Variants in KCNMA1 observed in about 807,000 individuals in gnomAD.
The protein encoded by KCNMA1 is potassium calcium-activated channel subfamily M alpha 1.
KCNMA1 carries 29 observed loss-of-function variants against 140.0 expected under a neutral mutation model. That is an observed-to-expected ratio of 0.21 (90% CI 0.15 to 0.28). KCNMA1 has a LOEUF of 0.28. Ranked by LOEUF, KCNMA1 falls within the 10% of genes least tolerant of loss-of-function variation. The probability of loss-of-function intolerance (pLI) is 1.00; values close to 1 mark genes in which losing one functional copy is unlikely to be tolerated. For missense variants in KCNMA1, 880 were observed against 1,602.2 expected, an observed-to-expected ratio of 0.55 and a Z score of 7.70; for synonymous variants, 612 against 611.9, an observed-to-expected ratio of 1.00 and a Z score of 0.00.
At chr10:77,018,249 CAATT>C (rs2092412145) in intron 17 of KCNMA1, among the ~76,000 whole-genome samples, 1 of 152,148 alleles carries the variant, frequency 6.6e-6, no homozygotes, top group South Asian at 2.1e-4. Context: ...TAGACCTTCA[CAATT>C]AATAATGTAC....
At chr10:77,485,283 G>A (rs929399815) in intron 1 of KCNMA1, among the ~76,000 whole-genome samples, 3 of 152,196 alleles carry the variant, frequency 2.0e-5, no homozygotes, top group Admixed American at 1.3e-4. Context: ...AGTGATAAAC[G>A]TAAATAGAAA....
chr10:77,242,127 C>T (rs1469166599), intron 3 of KCNMA1, among the ~76,000 whole-genome samples: 2 of 152,176 alleles, frequency 1.3e-5, no homozygotes, highest in Non-Finnish European at 2.9e-5. Flanking sequence ...CTGCAAAGCA[C>T]GTCGCACACT....
intron 1 of KCNMA1, chr10:77,636,916 G>C: frequency 7.1e-7 from 1 of 1,417,892 alleles, no homozygotes; most frequent in Non-Finnish European, 9.1e-7. Flanking sequence ...AGCTTCCTCC[G>C]TCCCCGCTGA....
At chr10:77,096,456 CCA>C (rs973846396) in intron 9 of KCNMA1, among the ~76,000 whole-genome samples, 4 of 152,252 alleles carry the variant, frequency 2.6e-5, no homozygotes, top group African/African-American at 9.6e-5. Flanking sequence ...CCAACCATTC[CCA>C]CACTCCCTCA....
chr10:77,031,429 C>T (rs2093930803), intron 15 of KCNMA1, among the ~76,000 whole-genome samples: 1 of 152,200 alleles, frequency 6.6e-6, no homozygotes, highest in Non-Finnish European at 1.5e-5. Context: ...TCTCAGATGG[C>T]CTCACTCTTC....
intron 13 of KCNMA1, among the ~76,000 whole-genome samples, chr10:77,075,400 C>T (rs1394618549): frequency 6.6e-6 from 1 of 152,190 alleles, no homozygotes; most frequent in African/African-American, 2.4e-5. Context: ...AAGTAATGAA[C>T]AAGTCAAGCA....
chr10:77,279,838 T>C (rs2395465), intron 2 of KCNMA1, among the ~76,000 whole-genome samples: 128,765 of 152,190 alleles, frequency 0.85, 54,542 homozygotes, highest in Middle Eastern at 0.9. Flanking sequence ...CACAAGTTCT[T>C]TCTTGCCTGC....
intron 19 of KCNMA1, among the ~76,000 whole-genome samples, chr10:76,975,037 A>T (rs2077073825): frequency 6.6e-6 from 1 of 152,164 alleles, no homozygotes; most frequent in Non-Finnish European, 1.5e-5. Flanking sequence ...TAGTTGTGGT[A>T]TCAGTGCCTA....
At chr10:77,420,393 A>G (rs906906290) in intron 1 of KCNMA1, among the ~76,000 whole-genome samples, 1 of 152,234 alleles carries the variant, frequency 6.6e-6, no homozygotes, top group South Asian at 2.1e-4. Flanking sequence ...ACATTGTTTA[A>G]GAGAAAGCCT....
At chr10:77,438,811 T>C (rs1318961347) in intron 1 of KCNMA1, among the ~76,000 whole-genome samples, 4 of 151,874 alleles carry the variant, frequency 2.6e-5, no homozygotes, top group Non-Finnish European at 5.9e-5. Flanking sequence ...CCCAGGTGGC[T>C]CATGCCTGTA....
chr10:77,535,221 G>A lies in KCNMA1; in HGVS notation c.378+102044C>T, dbSNP rs2154553719. Among the ~76,000 whole-genome samples, 4 of 152,094 alleles carry A rather than the reference G, an allele frequency of 2.6e-5. 1 individual carries two copies. The South Asian group carries it at 8.3e-4, about 32-fold the overall frequency. On this transcript the variant is annotated intron_variant, in intron 1 of 27. Transcript: ENST00000286628. The stretch of plus-strand genomic sequence containing the variant: ...TAACATCCCAAAATACTCCAACCAG[G>A]GCTCAAAAGTCAAAAGGTCCCACCA...
At chr10:77,413,817 C>T (rs142989104) in intron 1 of KCNMA1, among the ~76,000 whole-genome samples, 515 of 152,296 alleles carry the variant, frequency 3.4e-3, no homozygotes, top group Admixed American at 9.1e-3. Context: ...TAACTGTGGG[C>T]TGTACCTTTA....
rs778367842 is a variant in KCNMA1, at chr10:76,952,036, C to T, written c.2484+1765G>A. On this transcript the variant is annotated intron_variant, in intron 21 of 27. Transcript: ENST00000286628. ...TTCATAGGATAGAAGTAGTAACTCACCTCCTTAAACTTTTTTATGCTGGCA... is the reference window on the plus strand; with the variant it reads ...TTCATAGGATAGAAGTAGTAACTCATCTCCTTAAACTTTTTTATGCTGGCA... 44 of 1,551,934 alleles carry T rather than the reference C, an allele frequency of 2.8e-5. No homozygotes were observed. In the East Asian group the frequency reaches 9.5e-4, roughly 34 times the overall value.
At chr10:76,902,793 A>G (rs191126125) in intron 25 of KCNMA1, 3 of 147,246 alleles carry the variant, frequency 2.0e-5, no homozygotes, top group East Asian at 3.9e-4. Context: ...TCCATATAAC[A>G]GAGATGAAAA....
At chr10:76,961,557 A>G (rs1204261062) in intron 20 of KCNMA1, among the ~76,000 whole-genome samples, 1 of 152,194 alleles carries the variant, frequency 6.6e-6, no homozygotes, top group African/African-American at 2.4e-5. Flanking sequence ...AAGAAGTTCT[A>G]CTCTGGGTAA....
intron 1 of KCNMA1, among the ~76,000 whole-genome samples, chr10:77,406,728 T>C (rs2096484649): frequency 6.6e-6 from 1 of 152,028 alleles, no homozygotes; most frequent in Admixed American, 6.5e-5. Context: ...ATATTGGACA[T>C]TGGTGGAGGG....
At chr10:77,445,354 G>GCACATA (rs2097505269) in intron 1 of KCNMA1, among the ~76,000 whole-genome samples, 1 of 135,326 alleles carries the variant, frequency 7.4e-6, no homozygotes, top group Non-Finnish European at 1.5e-5. Context: ...TCTCTCACAC[G>GCACATA]CACATACACA....
intron 2 of KCNMA1, among the ~76,000 whole-genome samples, chr10:77,338,902 G>A (rs1019903201): frequency 6.6e-6 from 1 of 152,266 alleles, no homozygotes; most frequent in East Asian, 1.9e-4. Context: ...TTGTCTACAA[G>A]ACAGTTTGAC....
At chr10:77,416,530 T>G (rs1603517454) in intron 1 of KCNMA1, among the ~76,000 whole-genome samples, 1 of 152,146 alleles carries the variant, frequency 6.6e-6, no homozygotes, top group Non-Finnish European at 1.5e-5. Flanking sequence ...TAGGATGAAT[T>G]GTTTATGGTT....
Sources: allele counts gnomAD v4.1 joint callset (sites outside exome capture counted in the v4.1 genomes callset), GRCh38; gene constraint gnomAD v4.1.1; transcripts MANE v1.5; gene names NCBI Gene and HGNC (gene_info 2026-07-23, HGNC 2026-07-21).